The following KCTD16 variants were observed in gnomAD, a reference collection of about 807,000 sequenced individuals.
KCTD16 encodes the protein BTB/POZ domain-containing protein KCTD16.
Under a neutral mutation model 33.2 loss-of-function variants are expected in KCTD16, and 13 were observed. The observed-to-expected ratio is 0.39, with a 90% CI of 0.25 to 0.62. The LOEUF (loss-of-function observed/expected upper bound fraction) is 0.62, where lower values mean the gene tolerates loss of function less well. Ranked by LOEUF, KCTD16 falls within the 20% of genes least tolerant of loss-of-function variation. KCTD16 has a pLI of 0.50. For synonymous variants in KCTD16, 197 were observed against 195.3 expected, an observed-to-expected ratio of 1.01 and a Z score of -0.07; for missense variants, 441 against 525.1, an observed-to-expected ratio of 0.84 and a Z score of 1.57.
intron 3 of KCTD16, among the ~76,000 whole-genome samples, chr5:144,450,422 AT>A (rs1753916055): frequency 6.6e-6 from 1 of 152,110 alleles, no homozygotes. Context: ...GAACTATCAT[AT>A]GATCCAGCAA....
intron 3 of KCTD16, among the ~76,000 whole-genome samples, chr5:144,430,110 G>A (rs986038073): frequency 2.6e-5 from 4 of 152,034 alleles, no homozygotes; most frequent in Non-Finnish European, 5.9e-5. Context: ...CAGGGGCATC[G>A]TACCTGTGTA....
chr5:144,445,942 G>C (rs1229897830), intron 3 of KCTD16, among the ~76,000 whole-genome samples: 1 of 151,850 alleles, frequency 6.6e-6, no homozygotes, highest in Admixed American at 6.6e-5. Flanking sequence ...TCTTAAATTG[G>C]CTTACTATGC....
At chr5:144,211,689 G>C (rs1580791408) in intron 3 of KCTD16, among the ~76,000 whole-genome samples, 1 of 152,212 alleles carries the variant, frequency 6.6e-6, no homozygotes, top group East Asian at 1.9e-4. Context: ...TTTTGAGTAA[G>C]GGATATTCAA....
intron 3 of KCTD16, among the ~76,000 whole-genome samples, chr5:144,306,440 C>G (rs534962496): frequency 1.2e-4 from 19 of 152,326 alleles, no homozygotes; most frequent in African/African-American, 4.6e-4. Context: ...AAGAGTTGTT[C>G]TTCTCTTTCT....
At chr5:144,184,570 T>A (rs1752688491) in intron 2 of KCTD16, among the ~76,000 whole-genome samples, 1 of 152,186 alleles carries the variant, frequency 6.6e-6, no homozygotes, top group Admixed American at 6.5e-5. Flanking sequence ...TATTTCTAAT[T>A]TTTGAGAAAC....
chr5:144,355,834 CTTGCT>C (rs1177946885), intron 3 of KCTD16, among the ~76,000 whole-genome samples: 2 of 152,134 alleles, frequency 1.3e-5, no homozygotes, highest in Admixed American at 6.6e-5. Context: ...ATCTACTCCC[CTTGCT>C]CAGAATGTCC....
intron 3 of KCTD16, among the ~76,000 whole-genome samples, chr5:144,416,566 A>C (rs1436037145): frequency 6.6e-6 from 1 of 152,238 alleles, no homozygotes; most frequent in African/African-American, 2.4e-5. Flanking sequence ...CTGAGAAATT[A>C]AATTGGCTTT....
intron 3 of KCTD16, among the ~76,000 whole-genome samples, chr5:144,308,543 C>T (rs1751671636): frequency 6.6e-6 from 1 of 152,176 alleles, no homozygotes; most frequent in African/African-American, 2.4e-5. Flanking sequence ...ACTCAAGTTC[C>T]ATTTTATGGG....
intron 3 of KCTD16, among the ~76,000 whole-genome samples, chr5:144,412,470 A>G (rs1488619137): frequency 6.6e-6 from 1 of 152,218 alleles, no homozygotes; most frequent in Non-Finnish European, 1.5e-5. Context: ...GAGATAAAAA[A>G]GAATCCTGTG....
At chr5:144,307,139 T>A (rs1467050052) in intron 3 of KCTD16, among the ~76,000 whole-genome samples, 2 of 152,212 alleles carry the variant, frequency 1.3e-5, no homozygotes, top group African/African-American at 2.4e-5. Context: ...TTCCTACCCA[T>A]GCCTTTGCTT....
chr5:144,404,822 T>C (rs936352781), intron 3 of KCTD16, among the ~76,000 whole-genome samples: 3 of 152,160 alleles, frequency 2.0e-5, no homozygotes, highest in Non-Finnish European at 4.4e-5. Context: ...GGATTTCATC[T>C]ACACAGGTGA....
intron 3 of KCTD16, among the ~76,000 whole-genome samples, chr5:144,304,056 T>A (rs1751519861): frequency 6.6e-6 from 1 of 152,202 alleles, no homozygotes; most frequent in African/African-American, 2.4e-5. Flanking sequence ...TCTTTAGGTA[T>A]ACATTTTCTG....
chr5:144,469,150 G>T (rs905929389), intron 3 of KCTD16, among the ~76,000 whole-genome samples: 1 of 152,098 alleles, frequency 6.6e-6, no homozygotes, highest in Non-Finnish European at 1.5e-5. Context: ...TCCCGTTCTG[G>T]ATTTAAGTTT....
Position 144,309,113 on chromosome 5 carries a change from C to T in KCTD16, c.832+101567C>T, listed in dbSNP as rs563694444. 3.3e-4 allele frequency among the ~76,000 whole-genome samples: 51 copies of T among 152,244 alleles called. 1 individual carries two copies. The South Asian group carries it at 0.01, about 31-fold the overall frequency. On this transcript the variant is annotated intron_variant, in intron 3 of 3. Coordinates refer to ENST00000512467, the MANE Select transcript of KCTD16 (RefSeq NM_020768.4). ...CTATCACATTTCTCATCACATTTCA[C>T]GCTGCCTTTTTTCTGAAACAAACCA...
rs746784638 is a variant in KCTD16 at position 144,207,542 on chromosome 5, C to T, written c.828C>T (p.Phe276=). The T allele has an allele frequency of 1.2e-6, 2 of 1,607,518 alleles. No homozygotes were observed. Among genetic ancestry groups the T allele is most frequent in the Non-Finnish European group, 1.7e-6 (2 of 1,175,356 alleles). ...GGTCAAGCTACACTGAATATGTCTT[C>T]TACCGTAAGTACAAAGGGTTGTTTT... ...KIWSSYTEYV[F]YREPSRWSPS... is the part of the protein sequence containing the mutation. The change falls in exon 3 of 4, where the codon TTC becomes TTT. Residue 276 remains phenylalanine (F), a synonymous_variant. Coordinates refer to ENST00000512467, the MANE Select transcript of KCTD16 (RefSeq NM_020768.4).
chr5:144,340,401 CA>C (rs1208475292), intron 3 of KCTD16, among the ~76,000 whole-genome samples: 4,685 of 48,294 alleles, frequency 0.097, 144 homozygotes, highest in African/African-American at 0.24. Context: ...GACTCCATCT[CA>C]AAAAAAAAAA....
intron 3 of KCTD16, among the ~76,000 whole-genome samples, chr5:144,278,485 CTTTTTTTTTT>C (rs1220359408): frequency 1.1e-5 from 1 of 89,986 alleles, no homozygotes; most frequent in African/African-American, 4.9e-5. Context: ...TGTTAGTCTT[CTTTTTTTTTT>C]TTTTTTTTTT....
intron 3 of KCTD16, among the ~76,000 whole-genome samples, chr5:144,387,851 T>A (rs1178810712): frequency 6.6e-6 from 1 of 151,596 alleles, no homozygotes; most frequent in South Asian, 2.1e-4. Flanking sequence ...CATTGAAGAG[T>A]TTTTTAGAGC....
intron 3 of KCTD16, among the ~76,000 whole-genome samples, chr5:144,461,652 C>T (rs1326978560): frequency 6.6e-6 from 1 of 152,178 alleles, no homozygotes; most frequent in Non-Finnish European, 1.5e-5. Context: ...GATCTGGTCG[C>T]TCTGTTGTGG....
Sources: gnomAD v4.1 joint callset for allele counts (sites outside exome capture counted in the v4.1 genomes callset) on GRCh38, gnomAD v4.1.1 for gene constraint, MANE v1.5 for transcripts, NCBI Gene and HGNC (gene_info 2026-07-23, HGNC 2026-07-21) for gene names.